PRKCE: variants seen among roughly 807,000 people sequenced by gnomAD.
The protein encoded by PRKCE is protein kinase C epsilon.
PRKCE carries 16 observed loss-of-function variants against 85.4 expected under a neutral mutation model. The observed-to-expected ratio is 0.19, with a 90% CI of 0.13 to 0.28. The LOEUF is 0.28. Among genes scored for constraint, PRKCE ranks in the 10% least tolerant of loss-of-function variants. PRKCE has a pLI of 1.00. For synonymous variants in PRKCE, 388 were observed against 371.5 expected, an observed-to-expected ratio of 1.04 and a Z score of -0.51; for missense variants, 573 against 975.2, an observed-to-expected ratio of 0.59 and a Z score of 5.49.
intron 1 of PRKCE, among the ~76,000 whole-genome samples, chr2:45,833,149 AAAAAG>A (rs1269510963): frequency 1.1e-4 from 16 of 151,840 alleles, no homozygotes; most frequent in African/African-American, 3.4e-4. Context: ...AAAAAAAAAA[AAAAAG>A]AAAAGAAAAG....
intron 2 of PRKCE, among the ~76,000 whole-genome samples, chr2:45,965,218 T>C (rs1000188048): frequency 1.3e-5 from 2 of 152,378 alleles, no homozygotes; most frequent in African/African-American, 2.4e-5. Context: ...ATGCATTGTG[T>C]GAGTACACAT....
chr2:46,049,629 G>C (rs970577666), intron 10 of PRKCE, among the ~76,000 whole-genome samples: 3 of 152,170 alleles, frequency 2.0e-5, no homozygotes, highest in African/African-American at 4.8e-5. Flanking sequence ...TAGTATCCTT[G>C]TAGCTGTGGG....
At chr2:45,964,838 C>T (rs1433913516) in intron 2 of PRKCE, among the ~76,000 whole-genome samples, 8 of 152,212 alleles carry the variant, frequency 5.3e-5, no homozygotes, top group Admixed American at 5.2e-4. Flanking sequence ...TGCTGCTGTG[C>T]CTACCGTATC....
intron 1 of PRKCE, among the ~76,000 whole-genome samples, chr2:45,841,692 C>T (rs763949750): frequency 6.6e-6 from 1 of 152,188 alleles, no homozygotes; most frequent in African/African-American, 2.4e-5. Flanking sequence ...CAATATTAAC[C>T]ATCGCAGGAG....
chr2:45,853,178 TG>T (rs1692413981), intron 2 of PRKCE, among the ~76,000 whole-genome samples: 2 of 152,276 alleles, frequency 1.3e-5, no homozygotes, highest in East Asian at 3.9e-4. Context: ...TCCTTTCTTA[TG>T]GGGAAAGGAG....
At chr2:45,945,974 G>T (rs1463675249) in intron 2 of PRKCE, among the ~76,000 whole-genome samples, 1 of 152,224 alleles carries the variant, frequency 6.6e-6, no homozygotes, top group Non-Finnish European at 1.5e-5. Context: ...ACCAAAAAAT[G>T]GGGTGGATTC....
intron 2 of PRKCE, among the ~76,000 whole-genome samples, chr2:45,970,109 C>G (rs766439623): frequency 1.3e-5 from 2 of 152,196 alleles, no homozygotes; most frequent in Admixed American, 6.5e-5. Context: ...GTGGCCTTCC[C>G]TGTGCAGTCT....
At chr2:45,976,725 A>G (rs1702479045) in intron 3 of PRKCE, 137 bp downstream of exon 3, 1 of 1,073,594 alleles carries the variant, frequency 9.3e-7, no homozygotes, top group South Asian at 1.6e-5. Flanking sequence ...GCAGGGGACT[A>G]TTATGGAAGG....
chr2:45,909,142 A>ATTT (rs1558821340), intron 2 of PRKCE, among the ~76,000 whole-genome samples: 1 of 152,240 alleles, frequency 6.6e-6, no homozygotes, highest in African/African-American at 2.4e-5. Flanking sequence ...TAAATCCTGC[A>ATTT]TTTATTAGTA....
Position 45,774,896 on chromosome 2 carries a change from A to G in PRKCE, c.349-68104A>G, listed in dbSNP as rs561701724. On this transcript the variant is annotated intron_variant, in intron 1 of 14. Coordinates refer to ENST00000306156, the MANE Select transcript of PRKCE (RefSeq NM_005400.3). The surrounding 1 kb of genome is among the most constrained non-coding windows in gnomAD (Gnocchi z 4.3). ...GTATCACTGTGACCCGAGGAAGCCC[A>G]GTGACACGGTCCCAGCAAGGGTGTG... 6.6e-6 allele frequency among the ~76,000 whole-genome samples: 1 copy of G among 152,294 alleles called. No individual in the cohort carries two copies. The highest frequency in any genetic ancestry group is 1.5e-5 in the Non-Finnish European group (1 of 68,022).
intron 10 of PRKCE, among the ~76,000 whole-genome samples, chr2:46,077,790 A>C (rs953553405): frequency 1.5e-4 from 23 of 152,254 alleles, no homozygotes; most frequent in Admixed American, 1.2e-3. Context: ...AGAAAAAAAA[A>C]TCCTTCTTTC....
In PRKCE at chr2:45,760,800, C is replaced by G. The variant is rs1400266786; in HGVS notation, c.349-82200C>G. 3.3e-5 allele frequency among the ~76,000 whole-genome samples: 5 copies of G among 152,276 alleles called. No individual in the cohort carries two copies. The South Asian group carries it at 6.2e-4, about 19-fold the overall frequency. On this transcript the variant is annotated intron_variant, in intron 1 of 14. Coordinates refer to ENST00000306156, the MANE Select transcript of PRKCE (RefSeq NM_005400.3). ...CCTCCTGCCCCTGGGTTCCCACTTT[C>G]CATCATATAATTACCCTGTCTGGGT...
intron 2 of PRKCE, among the ~76,000 whole-genome samples, chr2:45,911,003 A>G (rs781323570): frequency 6.6e-6 from 1 of 152,250 alleles, no homozygotes; most frequent in Non-Finnish European, 1.5e-5. Context: ...TGCTGATCAC[A>G]AAGTGAAAAA....
intron 2 of PRKCE, among the ~76,000 whole-genome samples, chr2:45,940,693 C>T (rs1699809421): frequency 1.3e-5 from 2 of 149,638 alleles, no homozygotes. Flanking sequence ...GTCACACATG[C>T]TTTCACTCCC....
intron 1 of PRKCE, among the ~76,000 whole-genome samples, chr2:45,661,516 G>GTTTTTTTTT (rs1270841370): frequency 8.3e-6 from 1 of 121,156 alleles, no homozygotes; most frequent in African/African-American, 3.2e-5. Flanking sequence ...GTTTTGTTTT[G>GTTTTTTTTT]TTTTTTGTTT....
At chr2:45,883,683 C>G (rs1025973400) in intron 2 of PRKCE, among the ~76,000 whole-genome samples, 1 of 152,182 alleles carries the variant, frequency 6.6e-6, no homozygotes, top group Non-Finnish European at 1.5e-5. Context: ...CCATGCTACA[C>G]TCCCTATATG....
Position 45,833,639 on chromosome 2 carries a change from G to A in PRKCE, c.349-9361G>A, listed in dbSNP as rs182736477. Among the ~76,000 whole-genome samples the A allele has an allele frequency of 4.5e-3, 684 of 152,270 alleles. 12 individuals are homozygous for A. Among genetic ancestry groups the A allele is most frequent in the Admixed American group, 0.027 (416 of 15,292 alleles). ...ACAGGCAGAACTGGGATTGGAACCC[G>A]GGTAGGCTAGCTTCAAAACCTTTAC... On this transcript the variant is annotated intron_variant, in intron 1 of 14. Transcript: ENST00000306156.
intron 2 of PRKCE, among the ~76,000 whole-genome samples, chr2:45,866,448 C>T (rs1693619270): frequency 6.6e-6 from 1 of 152,186 alleles, no homozygotes; most frequent in African/African-American, 2.4e-5. Context: ...GCTGGGACTA[C>T]AGGCGCCGGC....
chr2:45,772,713 C>G (rs1371135570), intron 1 of PRKCE, among the ~76,000 whole-genome samples: 1 of 151,928 alleles, frequency 6.6e-6, no homozygotes, highest in East Asian at 1.9e-4. Context: ...ATGCTCAGCA[C>G]CATTTAGGGT....
Sources: allele counts gnomAD v4.1 joint callset (sites outside exome capture counted in the v4.1 genomes callset), GRCh38; gene constraint gnomAD v4.1.1; non-coding constraint Gnocchi (gnomAD v3.1); transcripts MANE v1.5; gene names NCBI Gene and HGNC (gene_info 2026-07-23, HGNC 2026-07-21).